FBLN7: variants seen among roughly 807,000 people sequenced by gnomAD.
The protein encoded by FBLN7 is fibulin-7.
FBLN7 carries 31 observed loss-of-function variants against 44.0 expected under a neutral mutation model. The observed-to-expected ratio is 0.70, with a 90% CI of 0.53 to 0.95. FBLN7 has a LOEUF of 0.95. Ranked by LOEUF, FBLN7 falls within the 40% of genes least tolerant of loss-of-function variation. FBLN7 has a pLI of 0.00. For synonymous variants in FBLN7, 262 were observed against 253.4 expected (o/e 1.03, Z -0.32); for missense variants, 573 against 618.5 (o/e 0.93, Z 0.78).
the FBLN7 span, among the ~76,000 whole-genome samples, chr2:112,237,437 T>C: frequency 1.3e-5 from 2 of 152,306 alleles, no homozygotes; most frequent in East Asian, 3.9e-4. Context: ...TTTATTTATT[T>C]ATCTATCCGT....
Position 112,138,686 on chromosome 2 carries a change from C to T in FBLN7, c.31C>T (p.Leu11Phe), listed in dbSNP as rs779394349. MVPSSPRALF[L>F]LLLILACPEP... The stretch of plus-strand genomic sequence containing the variant: ...GCCCAGCTCTCCGCGCGCGCTCTTC[C>T]TTCTGCTCCTGATCCTCGCCTGCCC... The change falls in exon 1 of 8, where the codon CTT becomes TTT. Residue 11 changes from leucine (L) to phenylalanine (F), a missense_variant. Transcript: ENST00000331203. 2 of 1,613,766 alleles carry T rather than the reference C, an allele frequency of 1.2e-6. No individual in the cohort carries two copies. The highest frequency in any genetic ancestry group is 1.7e-6 in the Non-Finnish European group (2 of 1,179,900).
chr2:112,230,934 T>C, the FBLN7 span: 1 of 1,258,604 alleles, frequency 7.9e-7, no homozygotes, highest in Non-Finnish European at 1.0e-6. Flanking sequence ...ACATGACTTC[T>C]TTTCAGTATC....
At chr2:112,240,933 A>G in the FBLN7 span, among the ~76,000 whole-genome samples, 465 of 150,934 alleles carry the variant, frequency 3.1e-3, 3 homozygotes, top group Middle Eastern at 0.017. Flanking sequence ...GAAACCTCCA[A>G]AATTAAAGTA....
At chr2:112,232,717 C>T in the FBLN7 span, among the ~76,000 whole-genome samples, 3 of 152,192 alleles carry the variant, frequency 2.0e-5, no homozygotes, top group East Asian at 1.9e-4. Context: ...CAATTTGATA[C>T]TCCTTATATT....
At chr2:112,140,365 G>T in intron 1 of FBLN7, among the ~76,000 whole-genome samples, 1 of 152,158 alleles carries the variant, frequency 6.6e-6, no homozygotes, top group Admixed American at 6.5e-5. Flanking sequence ...CCTGTCCCGC[G>T]CGCAGGGGAG....
the FBLN7 span, chr2:112,213,021 G>A: frequency 2.1e-5 from 3 of 144,740 alleles, no homozygotes; most frequent in African/African-American, 5.1e-5. Flanking sequence ...CCAGGCTGGA[G>A]TGCAGTGGCA....
At chr2:112,148,750 T>G (rs1204854931) in intron 1 of FBLN7, among the ~76,000 whole-genome samples, 1 of 152,166 alleles carries the variant, frequency 6.6e-6, no homozygotes, top group Non-Finnish European at 1.5e-5. Flanking sequence ...TAGCTGGGGC[T>G]TTTCTCATGG....
At chr2:112,240,429 T>C in the FBLN7 span, 1 of 152,208 alleles carries the variant, frequency 6.6e-6, no homozygotes. Context: ...TTATTCAGTA[T>C]GCAGCAGCTC....
intron 2 of FBLN7, among the ~76,000 whole-genome samples, chr2:112,161,406 C>T (rs1681862587): frequency 6.6e-6 from 1 of 152,180 alleles, no homozygotes; most frequent in Non-Finnish European, 1.5e-5. Context: ...GAAATAACCA[C>T]CAGCCAAGCC....
chr2:112,157,397 A>T (rs1490864921), intron 1 of FBLN7, among the ~76,000 whole-genome samples: 3 of 152,020 alleles, frequency 2.0e-5, no homozygotes, highest in Admixed American at 6.6e-5. Context: ...TTAAATTAAA[A>T]CATAATCCAT....
rs1476204232 is a variant in FBLN7, at chr2:112,159,806, T to A, written c.206T>A (p.Val69Glu). 5.1e-6 allele frequency: 8 copies of A among 1,575,724 alleles called. No homozygotes were observed. The highest frequency in any genetic ancestry group is 6.9e-6 in the Non-Finnish European group (8 of 1,162,516). ...CGGCTGGCCGCGCTGCAGAACTCTGTGGGCAGGGTGGGCCCAGATGCCCTT... is the reference window on the plus strand; with the variant it reads ...CGGCTGGCCGCGCTGCAGAACTCTGAGGGCAGGGTGGGCCCAGATGCCCTT... ...KSRLAALQNS[V>E]GRVGPDALPV... Residue 69 changes from valine to glutamate, a missense_variant, in exon 2 of 8, where the codon GTG becomes GAG. Coordinates refer to ENST00000331203, the MANE Select transcript of FBLN7 (RefSeq NM_153214.3).
At chr2:112,188,596 C>T (rs1443328760), downstream of FBLN7, 4 of 152,096 alleles carry the variant, frequency 2.6e-5, no homozygotes, top group East Asian at 1.9e-4. Flanking sequence ...TAAGAGGTAG[C>T]GAAGCTGTAA....
chr2:112,147,290 T>C lies in FBLN7; in HGVS notation c.75+8560T>C, dbSNP rs115426354. The stretch of plus-strand genomic sequence containing the variant: ...TTGGTAGTTTGTATCTTTCAAGAAA[T>C]TGGTCCATAGCACCTCTCTCTTGAG... On this transcript the variant is annotated intron_variant, in intron 1 of 7. Transcript: ENST00000331203. Among the ~76,000 whole-genome samples the C allele has an allele frequency of 6.1e-3, 923 of 152,282 alleles. 11 individuals are homozygous for C. The highest frequency in any genetic ancestry group is 0.017 in the African/African-American group (699 of 41,548).
chr2:112,167,188 C>T (rs1266582854), intron 3 of FBLN7, among the ~76,000 whole-genome samples: 5 of 152,192 alleles, frequency 3.3e-5, no homozygotes, highest in African/African-American at 7.2e-5. Context: ...TGGCGACATA[C>T]TACAATGCAC....
intron 3 of FBLN7, among the ~76,000 whole-genome samples, chr2:112,169,340 A>G (rs1682332378): frequency 6.6e-6 from 1 of 152,218 alleles, no homozygotes; most frequent in South Asian, 2.1e-4. Context: ...GGTGGACTCC[A>G]GAACTCCAGA....
the FBLN7 span, among the ~76,000 whole-genome samples, chr2:112,205,962 A>G: frequency 1.5e-4 from 23 of 151,238 alleles, no homozygotes; most frequent in South Asian, 4.6e-3. Context: ...TGTTTCTTTT[A>G]TAAATTTTGG....
At chr2:112,184,112 G>T (rs534784753) in intron 6 of FBLN7, among the ~76,000 whole-genome samples, 1 of 152,332 alleles carries the variant, frequency 6.6e-6, no homozygotes, top group South Asian at 2.1e-4. Context: ...CCACCATGCT[G>T]CAGTGGGCCT....
rs1250223086 is a variant in FBLN7 at position 112,174,726 on chromosome 2, T to C, written c.407-988T>C. Among the ~76,000 whole-genome samples the C allele has an allele frequency of 1.3e-5, 2 of 152,190 alleles. 1 individual carries two copies. The highest frequency in any genetic ancestry group is 1.3e-4 in the Admixed American group (2 of 15,282). ...TGTTTGGTTGGTTGGTTTTTTGTTT[T>C]TGAGACGGAGTCTCATTCTGTCACC... On this transcript the variant is annotated intron_variant, in intron 3 of 7. Coordinates refer to ENST00000331203, the MANE Select transcript of FBLN7 (RefSeq NM_153214.3).
the FBLN7 span, among the ~76,000 whole-genome samples, chr2:112,197,528 T>C: frequency 1.3e-5 from 2 of 152,128 alleles, no homozygotes; most frequent in Non-Finnish European, 1.5e-5. Flanking sequence ...ACCTGGTTTG[T>C]GGTATTTTGT....
Sources: gnomAD v4.1 joint callset for allele counts (sites outside exome capture counted in the v4.1 genomes callset) on GRCh38, gnomAD v4.1.1 for gene constraint, MANE v1.5 for transcripts, NCBI Gene and HGNC (gene_info 2026-07-23, HGNC 2026-07-21) for gene names.